Variants in COL4A1 observed in about 807,000 individuals in gnomAD.
COL4A1 encodes the protein collagen type IV alpha 1 chain.
A neutral mutation model predicts 216.6 loss-of-function variants in COL4A1; 40 were observed. The observed-to-expected ratio is 0.18, with a 90% confidence interval of 0.14 to 0.24. The LOEUF (loss-of-function observed/expected upper bound fraction) is 0.24, where lower values mean the gene tolerates loss of function less well. Ranked by LOEUF, COL4A1 falls within the 10% of genes least tolerant of loss-of-function variation. The pLI is 1.00. For synonymous variants in COL4A1, 839 were observed against 810.7 expected (o/e 1.03, Z -0.59); for missense variants, 1,628 against 2,196.8 (o/e 0.74, Z 5.18).
chr13:110,183,309 A>G (rs776006029), intron 26 of COL4A1, 33 bp from the exon 27 acceptor site: 11 of 1,595,162 alleles, frequency 6.9e-6, no homozygotes, highest in Non-Finnish European at 9.4e-6. Flanking sequence ...ACAAACGATG[A>G]AGGAATGAGG....
rs114874553 is a variant in COL4A1, at chr13:110,211,172, A to C, written c.468+475T>G. 8.6e-3 allele frequency among the ~76,000 whole-genome samples: 1,311 copies of C among 152,278 alleles called. 18 individuals are homozygous for C. Among genetic ancestry groups the C allele is most frequent in the African/African-American group, 0.03 (1,253 of 41,568 alleles). Reference sequence around the variant, plus strand: ...TGTAAGCCTCCCTTTGACAAGGCTGATCCCAACATCCAGATGCCCGAGGTC... The same window carrying C: ...TGTAAGCCTCCCTTTGACAAGGCTGCTCCCAACATCCAGATGCCCGAGGTC... On this transcript the variant is annotated intron_variant, in intron 8 of 51. Transcript: ENST00000375820. This position sits in a 1 kb window ranked among gnomAD's most constrained non-coding sequence, Gnocchi z 4.3.
At chr13:110,202,597 T>A (rs938349030) in intron 18 of COL4A1, among the ~76,000 whole-genome samples, 1 of 152,174 alleles carries the variant, frequency 6.6e-6, no homozygotes, top group Non-Finnish European at 1.5e-5. Flanking sequence ...ACGCATTACC[T>A]GTGGCACTGC....
intron 3 of COL4A1, 24 bp from the exon 4 acceptor site, chr13:110,213,850 T>C (rs1594587842): frequency 1.2e-6 from 2 of 1,614,050 alleles, no homozygotes; most frequent in East Asian, 4.5e-5. Flanking sequence ...GAAATGCCAT[T>C]GTCATTGATC....
At position 110,268,957 on chromosome 13, in the gene COL4A1, G is replaced by A. The variant is rs924894280; in HGVS notation, c.85-26223C>T. Among the ~76,000 whole-genome samples, 5 of 152,084 alleles carry A rather than the reference G, an allele frequency of 3.3e-5. No individual in the cohort carries two copies. Among genetic ancestry groups the A allele is most frequent in the East Asian group, 3.9e-4 (2 of 5,180 alleles). ...CAGAGGAGGCCAACGTGCAAAAGCC[G>A]AACCTCCGCGCACCTCCACACGCCT... On this transcript the variant is annotated intron_variant, in intron 1 of 51. Transcript: ENST00000375820. The surrounding 1 kb of genome is among the most constrained non-coding windows in gnomAD (Gnocchi z 4.1).
intron 1 of COL4A1, among the ~76,000 whole-genome samples, chr13:110,299,641 T>G (rs1884416405): frequency 6.6e-6 from 1 of 152,226 alleles, no homozygotes; most frequent in Non-Finnish European, 1.5e-5. Flanking sequence ...GCACAACCAG[T>G]GTGTCCCTGG....
chr13:110,233,701 G>C (rs1411712144), intron 2 of COL4A1, among the ~76,000 whole-genome samples: 1 of 152,120 alleles, frequency 6.6e-6, no homozygotes, highest in African/African-American at 2.4e-5. Context: ...GGAAATGGAT[G>C]ATAAAACCAC....
At chr13:110,196,633 C>T (rs1268109149) in intron 21 of COL4A1, among the ~76,000 whole-genome samples, 1 of 152,066 alleles carries the variant, frequency 6.6e-6, no homozygotes, top group Non-Finnish European at 1.5e-5. Context: ...TACATCCTCA[C>T]CAAAGTCCAT....
At position 110,200,972 on chromosome 13, in the gene COL4A1, G is replaced by T; in HGVS notation, c.1085-83C>A. On this transcript the variant is annotated intron_variant, in intron 19 of 51. Transcript: ENST00000375820. ...TTCTTATTTCTCTACTGAAAGCCTT[G>T]CTTGGTGCATTGGTAAGTGTCCATG... 2.0e-6 allele frequency: 3 copies of T among 1,474,722 alleles called. No homozygotes were observed. In the South Asian group the frequency reaches 3.4e-5, roughly 17 times the overall value. 91.4% of individuals were successfully genotyped at this position (1,474,722 alleles called of 1,614,324 possible). A position where few individuals can be genotyped will look rare whatever the true frequency, so the allele number is the denominator to read the frequency against.
Position 110,307,014 on chromosome 13 carries a change from A to G in COL4A1, c.14T>C (p.Leu5Pro), listed in dbSNP as rs1322143564. 1.2e-5 allele frequency: 17 copies of G among 1,468,626 alleles called. No individual in the cohort carries two copies. Among genetic ancestry groups the G allele is most frequent in the Non-Finnish European group, 1.3e-5 (15 of 1,115,408 alleles). The allele number at this position is 1,468,626 out of a possible 1,614,324, so 91.0% of individuals were successfully genotyped here. The change falls in exon 1 of 52, where the codon CTC (leucine) becomes CCC (proline). Residue 5 changes from leucine to proline, a missense_variant. This residue lies in a region of COL4A1 where 74 missense variants were observed against 61.7 expected (regional missense o/e 1.20). Transcript: ENST00000375820. This position sits in a 1 kb window ranked among gnomAD's most constrained non-coding sequence, Gnocchi z 5.0. MGPR[L>P]SVWLLLLPAA... ...GGGCAGCAGCAGCAGCCAGACGCTGAGCCGGGGCCCCATGGTGGCGCGCCC... is the reference window on the plus strand; with the variant it reads ...GGGCAGCAGCAGCAGCCAGACGCTGGGCCGGGGCCCCATGGTGGCGCGCCC...
At chr13:110,157,137 T>C (rs1341242441) in intron 49 of COL4A1, among the ~76,000 whole-genome samples, 2 of 152,206 alleles carry the variant, frequency 1.3e-5, no homozygotes, top group African/African-American at 4.8e-5. Context: ...AAAATTCACA[T>C]GGCCAAATTC....
chr13:110,290,583 G>A (rs1224709008), intron 1 of COL4A1, among the ~76,000 whole-genome samples: 1 of 152,044 alleles, frequency 6.6e-6, no homozygotes, highest in Admixed American at 6.5e-5. Flanking sequence ...CACCCCAGGT[G>A]ACCAAAATCT....
intron 48 of COL4A1, 39 bp downstream of exon 48, chr13:110,162,191 C>CACACACA (rs768997641): frequency 9.5e-6 from 15 of 1,577,382 alleles, no homozygotes; most frequent in Non-Finnish European, 1.3e-5. Flanking sequence ...ACTCAACACA[C>CACACACA]CTACACTGAA....
chr13:110,182,864 T>C (rs1594556751), intron 28 of COL4A1, 129 bp downstream of exon 28: 2 of 819,992 alleles, frequency 2.4e-6, no homozygotes, highest in African/African-American at 3.4e-5. Context: ...TCAGCACTGC[T>C]TGGGCTCTTC....
At chr13:110,158,696 C>T (rs1313981301) in intron 49 of COL4A1, among the ~76,000 whole-genome samples, 3 of 150,954 alleles carry the variant, frequency 2.0e-5, no homozygotes, top group Non-Finnish European at 2.9e-5. Flanking sequence ...AATTTGTTCA[C>T]TGGCCACTTT....
intron 49 of COL4A1, among the ~76,000 whole-genome samples, chr13:110,159,930 G>A (rs918436426): frequency 1.6e-5 from 1 of 62,074 alleles, no homozygotes; most frequent in South Asian, 4.4e-4. Context: ...AAGTAGAATG[G>A]GGGGTCACCA....
intron 1 of COL4A1, among the ~76,000 whole-genome samples, chr13:110,248,194 T>C (rs1881915963): frequency 6.6e-6 from 1 of 152,158 alleles, no homozygotes; most frequent in South Asian, 2.1e-4. Flanking sequence ...CGGGGAGTCT[T>C]TTAAATAATT....
At chr13:110,255,977 G>C (rs1882544890) in intron 1 of COL4A1, among the ~76,000 whole-genome samples, 1 of 151,888 alleles carries the variant, frequency 6.6e-6, no homozygotes, top group Non-Finnish European at 1.5e-5. Context: ...CTTATGACAG[G>C]AGAAGGTAAT....
In COL4A1 at chr13:110,212,628, C is replaced by T. The variant is rs745529920; in HGVS notation, c.280-10G>A. ...ATGCTCCCGGAGGTCCCTGTGAGGGCGGAAGTAAAAGCGTGTCAGTGAAGA... is the reference window on the plus strand; with the variant it reads ...ATGCTCCCGGAGGTCCCTGTGAGGGTGGAAGTAAAAGCGTGTCAGTGAAGA... On this transcript the variant is annotated splice_polypyrimidine_tract_variant and intron_variant, in intron 4 of 51. Coordinates refer to ENST00000375820, the MANE Select transcript of COL4A1 (RefSeq NM_001845.6). 6.8e-6 allele frequency: 11 copies of T among 1,613,590 alleles called. No individual in the cohort carries two copies. Among genetic ancestry groups the T allele is most frequent in the African/African-American group, 1.3e-5 (1 of 74,888 alleles).
intron 49 of COL4A1, chr13:110,160,957 C>T (rs780451872): frequency 3.7e-6 from 2 of 541,914 alleles, no homozygotes; most frequent in Non-Finnish European, 6.6e-6. Context: ...AACCCTCTCG[C>T]CTCGGCTTCC....
Sources: gnomAD v4.1 joint callset for allele counts (sites outside exome capture counted in the v4.1 genomes callset) on GRCh38, gnomAD v4.1.1 for gene constraint, gnomAD v4.1.1 regional missense constraint, Gnocchi (gnomAD v3.1) non-coding constraint, MANE v1.5 for transcripts, NCBI Gene and HGNC (gene_info 2026-07-23, HGNC 2026-07-21) for gene names.